Variants in MYO16 observed in about 807,000 individuals in gnomAD.
The protein encoded by MYO16 is myosin XVI, also known as unconventional myosin-XVI.
Under a neutral mutation model 205.3 loss-of-function variants are expected in MYO16, and 94 were observed. That is an observed-to-expected ratio of 0.46 (90% CI 0.39 to 0.54). The LOEUF (loss-of-function observed/expected upper bound fraction) is 0.54. Ranked by LOEUF, MYO16 falls within the 20% of genes least tolerant of loss-of-function variation. The pLI, the probability that MYO16 is intolerant of heterozygous loss-of-function variation, is 0.00. For missense variants in MYO16, 2,315 were observed against 2,387.5 expected (o/e 0.97, Z 0.63); for synonymous variants, 988 against 954.0 (o/e 1.04, Z -0.66).
In MYO16 at chr13:109,127,491, G is replaced by C; in HGVS notation, c.3992G>C (p.Ser1331Thr). The part of the protein sequence containing the change: ...KPKRDPNTRL[S>T]ASYEAVSACL... ...AAGAGGGACCCCAACACCCGGCTGA[G>C]TGCTTCCTATGAGGCTGTGAGCGCC... is the stretch of plus-strand genomic sequence containing the variant. The change falls in exon 31 of 35, where the codon AGT becomes ACT. Residue 1331 changes from serine (S) to threonine (T), a missense_variant. Ser to Thr is a moderately conservative substitution (Grantham distance 58). Transcript: ENST00000457511. The surrounding 1 kb of genome is among the most constrained non-coding windows in gnomAD (Gnocchi z 4.2). 6.2e-7 allele frequency: 1 copy of C among 1,613,720 alleles called. No individual in the cohort carries two copies. Among genetic ancestry groups the C allele is most frequent in the Non-Finnish European group, 8.5e-7 (1 of 1,179,974 alleles).
Position 108,823,253 on chromosome 13 carries a change from G to A in MYO16, c.1072G>A (p.Asp358Asn), listed in dbSNP as rs745581651. 14 of 1,611,874 alleles carry A rather than the reference G, an allele frequency of 8.7e-6. No individual in the cohort carries two copies. The East Asian group carries it at 8.9e-5, about 10-fold the overall frequency. Residue 358 changes from aspartate (D) to asparagine (N), a missense_variant, in exon 9 of 35, where the codon GAT (aspartate) becomes AAT (asparagine). Around this residue, in one of 3 missense-constraint regions of MYO16, gnomAD observed 1,213 missense variants for 1,274.4 expected, o/e 0.95. Coordinates refer to ENST00000457511, the MANE Select transcript of MYO16 (RefSeq NM_001198950.3). ...QEEPYEEIIH[D>N]LPVLSSKLSP... ...AGAGCCCTATGAAGAGATCATTCACGATCTTCCCGTACTGTCGAGTAAGCT... is the reference window on the plus strand; with the variant it reads ...AGAGCCCTATGAAGAGATCATTCACAATCTTCCCGTACTGTCGAGTAAGCT...
intron 1 of MYO16, among the ~76,000 whole-genome samples, chr13:108,610,138 A>G (rs565153563): frequency 4.5e-4 from 68 of 152,256 alleles, no homozygotes; most frequent in Non-Finnish European, 8.5e-4. Context: ...CTCTCTAGAC[A>G]TTGTTTGTCC....
intron 16 of MYO16, among the ~76,000 whole-genome samples, chr13:108,911,008 G>C (rs939909404): frequency 1.3e-5 from 2 of 148,674 alleles, no homozygotes; most frequent in African/African-American, 5.0e-5. Flanking sequence ...GAGAACTTTT[G>C]TGAGAAAAAG....
intron 1 of MYO16, among the ~76,000 whole-genome samples, chr13:108,602,576 GA>G (rs138157643): frequency 0.2 from 30,853 of 151,986 alleles, 3,891 homozygotes; most frequent in East Asian, 0.39. Context: ...CAAATATGGG[GA>G]AAAAAATCAC....
At chr13:109,136,447 G>A (rs1327210413) in intron 31 of MYO16, among the ~76,000 whole-genome samples, 1 of 152,096 alleles carries the variant, frequency 6.6e-6, no homozygotes, top group Non-Finnish European at 1.5e-5. Flanking sequence ...CTGGCAGTGA[G>A]GACCATTTTA....
At chr13:108,528,211 C>T in the MYO16 span, among the ~76,000 whole-genome samples, 291 of 152,208 alleles carry the variant, frequency 1.9e-3, 1 homozygote, top group African/African-American at 6.8e-3. Flanking sequence ...TTACCATATC[C>T]GACAGCCTTT....
intron 1 of MYO16, among the ~76,000 whole-genome samples, chr13:108,618,502 T>C (rs1279304750): frequency 2.0e-5 from 3 of 152,184 alleles, no homozygotes; most frequent in Admixed American, 2.0e-4. Context: ...GGACATTGTA[T>C]ATGGTATGAA....
In MYO16 at chr13:109,127,642, A is replaced by T; in HGVS notation, c.4051+92A>T. On this transcript the variant is annotated intron_variant, in intron 31 of 34. Transcript: ENST00000457511. The surrounding 1 kb of genome is among the most constrained non-coding windows in gnomAD (Gnocchi z 4.2). ...CGCCCATGGCAGTACTGTCGCCCTAATGTATTCTTAATAGAAATAAATCCA... is the reference window on the plus strand; with the variant it reads ...CGCCCATGGCAGTACTGTCGCCCTATTGTATTCTTAATAGAAATAAATCCA... The T allele has an allele frequency of 7.8e-7, 1 of 1,283,584 alleles. No individual in the cohort carries two copies. The highest frequency in any genetic ancestry group is 1.1e-6 in the Non-Finnish European group (1 of 931,822). 79.5% of individuals were successfully genotyped at this position (1,283,584 alleles called of 1,614,324 possible).
intron 9 of MYO16, among the ~76,000 whole-genome samples, chr13:108,838,746 A>ATG (rs1178140611): frequency 7.6e-5 from 7 of 92,356 alleles, no homozygotes; most frequent in African/African-American, 3.1e-4. Context: ...TATACACTAT[A>ATG]TATATATACA....
At chr13:108,620,917 C>T (rs1212178462) in intron 1 of MYO16, among the ~76,000 whole-genome samples, 1 of 152,178 alleles carries the variant, frequency 6.6e-6, no homozygotes. Flanking sequence ...AGGAACAGAG[C>T]CTCCCATCCC....
In MYO16 at chr13:108,727,696, T is replaced by A; in HGVS notation, c.507+113T>A. ...ATATTTTGGTTGAGAAAAATCTGCATATGTTATCATGTATCTCCCTAGAAC... is the reference window on the plus strand; with the variant it reads ...ATATTTTGGTTGAGAAAAATCTGCAAATGTTATCATGTATCTCCCTAGAAC... On this transcript the variant is annotated intron_variant, in intron 4 of 34. Transcript: ENST00000457511. 3 of 1,180,274 alleles carry A rather than the reference T, an allele frequency of 2.5e-6. No individual in the cohort carries two copies. The Admixed American group carries it at 7.4e-5, about 29-fold the overall frequency. 73.1% of individuals were successfully genotyped at this position (1,180,274 alleles called of 1,614,324 possible).
chr13:108,864,998 A>T (rs559572400), intron 11 of MYO16, among the ~76,000 whole-genome samples: 35 of 152,032 alleles, frequency 2.3e-4, no homozygotes, highest in East Asian at 1.7e-3. Context: ...TCTTTTTTTT[A>T]AAAAAAGGGA....
At chr13:108,800,716 A>G (rs7339105) in intron 6 of MYO16, among the ~76,000 whole-genome samples, 98,634 of 152,046 alleles carry the variant, frequency 0.65, 33,496 homozygotes, top group East Asian at 0.77. Context: ...TCATTTCTTC[A>G]TAACATAGTT....
chr13:108,998,805 G>A (rs973461614), intron 21 of MYO16, among the ~76,000 whole-genome samples: 1 of 152,062 alleles, frequency 6.6e-6, no homozygotes, highest in Non-Finnish European at 1.5e-5. Flanking sequence ...GTCTCTCCAC[G>A]TTGGTCTCTC....
At chr13:109,149,044 G>T (rs1397246314) in intron 32 of MYO16, among the ~76,000 whole-genome samples, 3 of 152,194 alleles carry the variant, frequency 2.0e-5, no homozygotes, top group Non-Finnish European at 1.5e-5. Context: ...GATAGGCTTT[G>T]TACCTGGAAG....
chr13:108,901,986 G>A (rs2139213984), intron 15 of MYO16, among the ~76,000 whole-genome samples: 1 of 152,298 alleles, frequency 6.6e-6, no homozygotes, highest in South Asian at 2.1e-4. Context: ...GAGAGTGAAA[G>A]TTCCAATGTC....
intron 6 of MYO16, among the ~76,000 whole-genome samples, chr13:108,795,246 C>CA (rs1886750473): frequency 1.3e-5 from 2 of 150,952 alleles, no homozygotes; most frequent in South Asian, 4.2e-4. Context: ...GGCTGGAGTG[C>CA]AATGGCATGG....
intron 32 of MYO16, among the ~76,000 whole-genome samples, chr13:109,158,158 T>C (rs1449705125): frequency 6.6e-6 from 1 of 152,170 alleles, no homozygotes; most frequent in Non-Finnish European, 1.5e-5. Flanking sequence ...GGCATCTCTT[T>C]GCCTTCCCAG....
At chr13:108,802,224 C>T (rs1384910672) in intron 6 of MYO16, among the ~76,000 whole-genome samples, 3 of 152,150 alleles carry the variant, frequency 2.0e-5, no homozygotes, top group Non-Finnish European at 2.9e-5. Context: ...AACCCTTCGA[C>T]CAACAACTCT....
Sources: gnomAD v4.1 joint callset for allele counts (sites outside exome capture counted in the v4.1 genomes callset) on GRCh38, gnomAD v4.1.1 for gene constraint, gnomAD v4.1.1 regional missense constraint, Gnocchi (gnomAD v3.1) non-coding constraint, MANE v1.5 for transcripts, NCBI Gene and HGNC (gene_info 2026-07-23, HGNC 2026-07-21) for gene names.